HERC3: variants seen among roughly 807,000 people sequenced by gnomAD.
HERC3 encodes probable E3 ubiquitin-protein ligase HERC3.
Under a neutral mutation model 129.9 loss-of-function variants are expected in HERC3, and 58 were observed. The observed-to-expected ratio is 0.45, with a 90% CI of 0.36 to 0.56. HERC3 has a LOEUF of 0.56. Ranked by LOEUF, HERC3 falls within the 20% of genes least tolerant of loss-of-function variation. The pLI, the probability that HERC3 is intolerant of heterozygous loss-of-function variation, is 0.00. For synonymous variants in HERC3, 430 were observed against 451.0 expected, an observed-to-expected ratio of 0.95 and a Z score of 0.59; for missense variants, 835 against 1,244.2, an observed-to-expected ratio of 0.67 and a Z score of 4.95.
chr4:88,641,577 A>G (rs1292496897), intron 3 of HERC3, among the ~76,000 whole-genome samples: 1 of 152,224 alleles, frequency 6.6e-6, no homozygotes, highest in African/African-American at 2.4e-5. Context: ...CAAAGAGAAC[A>G]AAAGAAAACA....
At chr4:88,535,124 C>T in the HERC3 span, among the ~76,000 whole-genome samples, 7 of 152,076 alleles carry the variant, frequency 4.6e-5, no homozygotes, top group Non-Finnish European at 7.4e-5. Context: ...TAAATTGAGT[C>T]CTGAGTATTT....
the HERC3 span, among the ~76,000 whole-genome samples, chr4:88,559,299 G>A: frequency 6.6e-6 from 1 of 151,992 alleles, no homozygotes; most frequent in Non-Finnish European, 1.5e-5. Flanking sequence ...ACCTCATTTA[G>A]CATGAATTCC....
At chr4:88,680,690 A>C (rs1382665043) in intron 20 of HERC3, among the ~76,000 whole-genome samples, 2 of 152,154 alleles carry the variant, frequency 1.3e-5, no homozygotes, top group East Asian at 3.8e-4. Context: ...TTTCTATGAG[A>C]GTTTTCTTCC....
the HERC3 span, among the ~76,000 whole-genome samples, chr4:88,539,096 C>G: frequency 2.6e-5 from 4 of 152,120 alleles, no homozygotes; most frequent in African/African-American, 9.7e-5. Context: ...ACACAGAGGG[C>G]GAGCCAAAGC....
chr4:88,592,993 C>T (rs1044093273), intron 1 of HERC3, among the ~76,000 whole-genome samples: 1 of 152,160 alleles, frequency 6.6e-6, no homozygotes, highest in Admixed American at 6.5e-5. Context: ...TATTTAAATT[C>T]TGGGGTTCCA....
At chr4:88,639,253 T>C (rs1007514428) in intron 3 of HERC3, among the ~76,000 whole-genome samples, 1 of 152,200 alleles carries the variant, frequency 6.6e-6, no homozygotes, top group African/African-American at 2.4e-5. Flanking sequence ...TTAAAATTCA[T>C]ATGGAACCAA....
At chr4:88,610,571 C>T (rs552081104) in intron 3 of HERC3, among the ~76,000 whole-genome samples, 16 of 152,200 alleles carry the variant, frequency 1.1e-4, no homozygotes, top group Middle Eastern at 3.4e-3. Flanking sequence ...ACGCCTCTGA[C>T]GGTAGCCAGT....
At chr4:88,570,929 T>C in the HERC3 span, among the ~76,000 whole-genome samples, 1 of 146,034 alleles carries the variant, frequency 6.8e-6, no homozygotes, top group Non-Finnish European at 1.5e-5. Context: ...AATTTTTTTT[T>C]GTATTTTTTT....
intron 3 of HERC3, among the ~76,000 whole-genome samples, chr4:88,617,541 C>T (rs1323116919): frequency 6.6e-6 from 1 of 152,196 alleles, no homozygotes; most frequent in East Asian, 1.9e-4. Flanking sequence ...GCAAGTTCTA[C>T]ATTCTGCCTA....
chr4:88,614,251 A>T (rs145502288), intron 3 of HERC3, among the ~76,000 whole-genome samples: 1 of 152,146 alleles, frequency 6.6e-6, no homozygotes, highest in Non-Finnish European at 1.5e-5. Flanking sequence ...AAAGTAGGTC[A>T]GTATTATTAT....
chr4:88,567,698 T>C, the HERC3 span, among the ~76,000 whole-genome samples: 3 of 152,208 alleles, frequency 2.0e-5, no homozygotes, highest in African/African-American at 7.2e-5. Flanking sequence ...TCTTCCTCTA[T>C]GTTATCCTGA....
intron 23 of HERC3, chr4:88,692,961 T>C: frequency 1.0e-6 from 1 of 984,536 alleles, no homozygotes; most frequent in Non-Finnish European, 1.2e-6. Flanking sequence ...GGTAATGTTT[T>C]CAAAAAGCAA....
the HERC3 span, among the ~76,000 whole-genome samples, chr4:88,545,430 C>CCTTTTT: frequency 3.0e-4 from 33 of 110,390 alleles, 1 homozygote; most frequent in East Asian, 1.8e-3. Flanking sequence ...TTTGAGAATT[C>CCTTTTT]TTTTTTTTTT....
intron 23 of HERC3, chr4:88,697,399 T>C (rs766855077): frequency 1.2e-6 from 2 of 1,614,150 alleles, no homozygotes; most frequent in South Asian, 2.2e-5. Context: ...CTCTTGGATC[T>C]TGGCGAGTAG....
the HERC3 span, among the ~76,000 whole-genome samples, chr4:88,573,815 C>T: frequency 6.6e-6 from 1 of 152,156 alleles, no homozygotes; most frequent in Non-Finnish European, 1.5e-5. Flanking sequence ...TGTCACATTC[C>T]TCCTCCAAAA....
intron 16 of HERC3, among the ~76,000 whole-genome samples, chr4:88,672,565 T>C (rs1731729413): frequency 6.6e-6 from 1 of 152,246 alleles, no homozygotes; most frequent in Non-Finnish European, 1.5e-5. Flanking sequence ...ATGGATTTTT[T>C]TGATGTGTGT....
chr4:88,653,712 A>T (rs1578248586), intron 6 of HERC3, among the ~76,000 whole-genome samples: 1 of 152,160 alleles, frequency 6.6e-6, no homozygotes, highest in African/African-American at 2.4e-5. Context: ...TATTTTGAAG[A>T]TGAGGCCAGT....
chr4:88,639,984 C>A (rs1421899439), intron 3 of HERC3, among the ~76,000 whole-genome samples: 1 of 152,124 alleles, frequency 6.6e-6, no homozygotes, highest in Non-Finnish European at 1.5e-5. Flanking sequence ...AAAAGCTCAA[C>A]ATTGCTGATC....
chr4:88,688,798 AGTG>A (rs1207801621), intron 23 of HERC3, among the ~76,000 whole-genome samples: 4 of 152,212 alleles, frequency 2.6e-5, no homozygotes, highest in African/African-American at 7.2e-5. Context: ...ACAAGAAAGA[AGTG>A]GTGAAATGAA....
Sources: gnomAD v4.1 joint callset for allele counts (sites outside exome capture counted in the v4.1 genomes callset) on GRCh38, gnomAD v4.1.1 for gene constraint, MANE v1.5 for transcripts, NCBI Gene and HGNC (gene_info 2026-07-23, HGNC 2026-07-21) for gene names.